The following CAMK2D variants were observed in gnomAD, a reference collection of about 807,000 sequenced individuals.
CAMK2D encodes the protein calcium/calmodulin dependent protein kinase II delta.
Under a neutral mutation model 84.0 loss-of-function variants are expected in CAMK2D, and 37 were observed. That is an observed-to-expected ratio of 0.44 (90% CI 0.34 to 0.58). The LOEUF is 0.58. Ranked by LOEUF, CAMK2D falls within the 20% of genes least tolerant of loss-of-function variation. The pLI is 0.02. For synonymous variants in CAMK2D, 202 were observed against 212.5 expected (o/e 0.95, Z 0.43); for missense variants, 448 against 652.5 (o/e 0.69, Z 3.41).
intron 2 of CAMK2D, among the ~76,000 whole-genome samples, chr4:113,733,875 A>G (rs756867184): frequency 6.6e-6 from 1 of 152,204 alleles, no homozygotes; most frequent in Non-Finnish European, 1.5e-5. Context: ...AAATACATAC[A>G]CAAACTAATT....
intron 2 of CAMK2D, among the ~76,000 whole-genome samples, chr4:113,699,227 G>A (rs1431403455): frequency 1.3e-5 from 2 of 152,042 alleles, no homozygotes; most frequent in Admixed American, 6.6e-5. Context: ...TGGAATTAAA[G>A]TAAAAACCAT....
At chr4:113,750,735 A>G (rs2099615249) in intron 2 of CAMK2D, among the ~76,000 whole-genome samples, 1 of 152,216 alleles carries the variant, frequency 6.6e-6, no homozygotes, top group African/African-American at 2.4e-5. Context: ...AGCCAGGCAC[A>G]GTGAGTAGCT....
intron 6 of CAMK2D, among the ~76,000 whole-genome samples, chr4:113,540,030 T>C (rs144923959): frequency 1.1e-3 from 171 of 152,318 alleles, no homozygotes; most frequent in Middle Eastern, 0.01. Context: ...GTTTGATTTC[T>C]ATATAACTGT....
intron 2 of CAMK2D, among the ~76,000 whole-genome samples, chr4:113,731,482 C>T (rs1033043272): frequency 6.6e-6 from 1 of 151,742 alleles, no homozygotes; most frequent in Non-Finnish European, 1.5e-5. Flanking sequence ...TTCATAAGCA[C>T]TATATAACAT....
intron 5 of CAMK2D, among the ~76,000 whole-genome samples, chr4:113,549,963 C>A (rs556743301): frequency 6.6e-6 from 1 of 151,976 alleles, no homozygotes; most frequent in East Asian, 1.9e-4. Flanking sequence ...AATCTTTTTT[C>A]TTTTACAATA....
At chr4:113,606,405 G>C (rs1421450113) in intron 4 of CAMK2D, among the ~76,000 whole-genome samples, 1 of 151,980 alleles carries the variant, frequency 6.6e-6, no homozygotes, top group East Asian at 1.9e-4. Context: ...AGGAGGCGGC[G>C]GTTGCAGTGA....
At chr4:113,730,345 A>G (rs1009314138) in intron 2 of CAMK2D, among the ~76,000 whole-genome samples, 1 of 152,196 alleles carries the variant, frequency 6.6e-6, no homozygotes, top group African/African-American at 2.4e-5. Flanking sequence ...AAATAATATG[A>G]TGAATTAAAA....
At chr4:113,559,171 C>T (rs1040730931) in intron 4 of CAMK2D, among the ~76,000 whole-genome samples, 1 of 151,508 alleles carries the variant, frequency 6.6e-6, no homozygotes, top group African/African-American at 2.4e-5. Context: ...AGAATATTTA[C>T]AAAATATATT....
At chr4:113,618,238 T>C (rs376300503) in intron 3 of CAMK2D, among the ~76,000 whole-genome samples, 1 of 152,220 alleles carries the variant, frequency 6.6e-6, no homozygotes, top group South Asian at 2.1e-4. Context: ...CTTCATTTTA[T>C]TTTGGAATTG....
chr4:113,655,006 G>C (rs760652150), intron 3 of CAMK2D, among the ~76,000 whole-genome samples: 4 of 151,906 alleles, frequency 2.6e-5, no homozygotes, highest in Non-Finnish European at 5.9e-5. Context: ...TTACTACTTG[G>C]TAAGCAGTAC....
intron 17 of CAMK2D, among the ~76,000 whole-genome samples, chr4:113,462,338 G>GTCTGTCTATCTATCTATCTATCTATCTA (rs1554637439): frequency 6.9e-5 from 9 of 130,438 alleles, no homozygotes; most frequent in Admixed American, 8.2e-5. Flanking sequence ...CTGTCTGTCT[G>GTCTGTCTATCTATCTATCTATCTATCTA]TCTATCTATC....
intron 2 of CAMK2D, among the ~76,000 whole-genome samples, chr4:113,717,671 G>A (rs2099517790): frequency 6.6e-6 from 1 of 152,120 alleles, no homozygotes; most frequent in Non-Finnish European, 1.5e-5. Context: ...ATGGTGGAGA[G>A]AGTTGAATTT....
At chr4:113,528,574 T>C (rs2098437487) in intron 8 of CAMK2D, among the ~76,000 whole-genome samples, 1 of 152,188 alleles carries the variant, frequency 6.6e-6, no homozygotes, top group Non-Finnish European at 1.5e-5. Context: ...ATGTCCCTTA[T>C]GCTGAGTCCT....
intron 2 of CAMK2D, among the ~76,000 whole-genome samples, chr4:113,663,990 A>G (rs1266641976): frequency 6.6e-6 from 1 of 152,152 alleles, no homozygotes; most frequent in Non-Finnish European, 1.5e-5. Flanking sequence ...GTGGGCTCTA[A>G]TCTAATATGA....
chr4:113,575,431 C>G (rs373671099), intron 4 of CAMK2D, among the ~76,000 whole-genome samples: 33 of 152,264 alleles, frequency 2.2e-4, no homozygotes, highest in African/African-American at 7.2e-4. Flanking sequence ...ACAAAATATA[C>G]TTTAAATTTC....
At chr4:113,603,199 G>A (rs72678756) in intron 4 of CAMK2D, among the ~76,000 whole-genome samples, 17,586 of 151,980 alleles carry the variant, frequency 0.12, 1,297 homozygotes, top group South Asian at 0.18. Flanking sequence ...ATGACTTTGC[G>A]TTATTTTATT....
At chr4:113,539,848 G>A (rs1001881968) in intron 6 of CAMK2D, among the ~76,000 whole-genome samples, 5 of 151,962 alleles carry the variant, frequency 3.3e-5, no homozygotes, top group African/African-American at 1.2e-4. Flanking sequence ...ATTATATAAC[G>A]AAAATGTAAA....
At chr4:113,659,927 T>C (rs1279413379) in intron 3 of CAMK2D, among the ~76,000 whole-genome samples, 1 of 152,194 alleles carries the variant, frequency 6.6e-6, no homozygotes, top group Non-Finnish European at 1.5e-5. Context: ...GAGTGAATGA[T>C]ATAGGTGAAT....
chr4:113,622,804 T>C (rs2099051694), intron 3 of CAMK2D, among the ~76,000 whole-genome samples: 1 of 152,128 alleles, frequency 6.6e-6, no homozygotes, highest in Non-Finnish European at 1.5e-5. Flanking sequence ...AACCTGCAAA[T>C]GGCCAAAAGA....
Sources: allele counts gnomAD v4.1 joint callset (sites outside exome capture counted in the v4.1 genomes callset), GRCh38; gene constraint gnomAD v4.1.1; transcripts MANE v1.5; gene names NCBI Gene and HGNC (gene_info 2026-07-23, HGNC 2026-07-21).